ASIC2: variants seen among roughly 807,000 people sequenced by gnomAD.
The protein encoded by ASIC2 is acid-sensing ion channel 2.
Under a neutral mutation model 57.3 loss-of-function variants are expected in ASIC2, and 25 were observed. The observed-to-expected ratio is 0.44, with a 90% confidence interval of 0.32 to 0.61. ASIC2 has a LOEUF of 0.61. Ranked by LOEUF, ASIC2 falls within the 20% of genes least tolerant of loss-of-function variation. The pLI, the probability that ASIC2 is intolerant of heterozygous loss-of-function variation, is 0.06. For missense variants in ASIC2, 641 were observed against 738.1 expected, an observed-to-expected ratio of 0.87 and a Z score of 1.52; for synonymous variants, 319 against 307.5, an observed-to-expected ratio of 1.04 and a Z score of -0.39.
intron 1 of ASIC2, among the ~76,000 whole-genome samples, chr17:33,954,334 G>T (rs926145242): frequency 1.1e-4 from 16 of 152,140 alleles, no homozygotes; most frequent in Non-Finnish European, 2.2e-4. Context: ...CAGCATGTGT[G>T]GGAGCAGTCA....
chr17:33,930,088 T>C (rs1915899732), intron 1 of ASIC2, among the ~76,000 whole-genome samples: 1 of 152,180 alleles, frequency 6.6e-6, no homozygotes, highest in South Asian at 2.1e-4. Flanking sequence ...AGAAAACTTG[T>C]GATAATAGAA....
At chr17:33,697,757 A>T (rs1463938692) in intron 1 of ASIC2, among the ~76,000 whole-genome samples, 1 of 152,174 alleles carries the variant, frequency 6.6e-6, no homozygotes, top group African/African-American at 2.4e-5. Context: ...TTCACACACC[A>T]CATCAAGAAG....
chr17:33,599,031 G>T (rs1379927180), intron 1 of ASIC2, among the ~76,000 whole-genome samples: 1 of 152,216 alleles, frequency 6.6e-6, no homozygotes, highest in African/African-American at 2.4e-5. Flanking sequence ...GCACACATAT[G>T]CCCATCTTCT....
chr17:33,883,740 A>T (rs1914759504), intron 1 of ASIC2, among the ~76,000 whole-genome samples: 1 of 152,228 alleles, frequency 6.6e-6, no homozygotes, highest in Non-Finnish European at 1.5e-5. Flanking sequence ...CTCAACCAGC[A>T]TTTCCTGCAT....
intron 1 of ASIC2, among the ~76,000 whole-genome samples, chr17:33,331,633 C>T (rs559378941): frequency 6.6e-6 from 1 of 152,162 alleles, no homozygotes; most frequent in Non-Finnish European, 1.5e-5. Context: ...TAAAATATAA[C>T]CCTTTGTTAT....
intron 1 of ASIC2, among the ~76,000 whole-genome samples, chr17:34,112,706 G>A (rs929484780): frequency 6.6e-6 from 1 of 152,100 alleles, no homozygotes; most frequent in African/African-American, 2.4e-5. Flanking sequence ...ATAAGGCCTT[G>A]TTACAGGCTG....
At chr17:34,089,802 C>A (rs1351044123) in intron 1 of ASIC2, among the ~76,000 whole-genome samples, 2 of 152,156 alleles carry the variant, frequency 1.3e-5, no homozygotes, top group Admixed American at 1.3e-4. Flanking sequence ...CCTCCACCTG[C>A]CTTTTTCTAA....
At chr17:33,555,153 G>A (rs953824559) in intron 1 of ASIC2, among the ~76,000 whole-genome samples, 5 of 152,102 alleles carry the variant, frequency 3.3e-5, no homozygotes, top group South Asian at 4.2e-4. Context: ...ATGGGCACGC[G>A]GGTAACAGAA....
intron 1 of ASIC2, among the ~76,000 whole-genome samples, chr17:33,950,282 C>T (rs1410757544): frequency 7.9e-5 from 12 of 152,300 alleles, no homozygotes; most frequent in Non-Finnish European, 1.5e-4. Context: ...CAGAGGCTGC[C>T]GGGTAATTGG....
At chr17:33,301,040 G>GA (rs34688942) in intron 1 of ASIC2, among the ~76,000 whole-genome samples, 15 of 150,076 alleles carry the variant, frequency 1.0e-4, no homozygotes, top group South Asian at 2.1e-4. Context: ...ATTTATTTTA[G>GA]AAAAAAAAAA....
At chr17:33,666,044 G>A (rs778876238) in intron 1 of ASIC2, among the ~76,000 whole-genome samples, 5 of 152,114 alleles carry the variant, frequency 3.3e-5, no homozygotes, top group African/African-American at 4.8e-5. Context: ...TCTGGCACCC[G>A]ACGTGAGAAT....
intron 1 of ASIC2, among the ~76,000 whole-genome samples, chr17:33,657,453 A>C (rs1907111306): frequency 6.6e-6 from 1 of 152,190 alleles, no homozygotes; most frequent in African/African-American, 2.4e-5. Context: ...TCAAGCCCTC[A>C]GACAGATCAA....
intron 1 of ASIC2, among the ~76,000 whole-genome samples, chr17:33,540,005 C>G (rs888201099): frequency 1.3e-5 from 2 of 152,238 alleles, no homozygotes; most frequent in African/African-American, 2.4e-5. Flanking sequence ...GTGTTCATTT[C>G]CTTGGGCTGC....
upstream of ASIC2, among the ~76,000 whole-genome samples, chr17:33,296,966 T>C (rs2142189595): frequency 6.6e-6 from 1 of 152,358 alleles, no homozygotes; most frequent in Admixed American, 6.5e-5. Flanking sequence ...TTCTGGAACA[T>C]CTTGCTGTGT....
chr17:33,670,057 A>G (rs1208512829), intron 1 of ASIC2, among the ~76,000 whole-genome samples: 5 of 152,204 alleles, frequency 3.3e-5, no homozygotes, highest in Non-Finnish European at 5.9e-5. Flanking sequence ...TGATGCAGAA[A>G]GGGAGGCTGG....
At chr17:33,725,194 T>C (rs942809305) in intron 1 of ASIC2, among the ~76,000 whole-genome samples, 4 of 152,230 alleles carry the variant, frequency 2.6e-5, no homozygotes, top group African/African-American at 9.6e-5. Flanking sequence ...TGCAGGTGGA[T>C]GACTGTCAGG....
At chr17:33,764,417 C>T (rs1597866640) in intron 1 of ASIC2, among the ~76,000 whole-genome samples, 1 of 151,940 alleles carries the variant, frequency 6.6e-6, no homozygotes, top group East Asian at 1.9e-4. Context: ...CTATATTCTC[C>T]TGCTTATAAC....
At chr17:34,005,048 C>A (rs1043759815) in intron 1 of ASIC2, 2 of 152,134 alleles carry the variant, frequency 1.3e-5, no homozygotes, top group East Asian at 3.9e-4. Flanking sequence ...ATTAGGTGCT[C>A]AGCTCTCTTT....
chr17:34,023,650 A>C (rs1330832112), intron 1 of ASIC2, among the ~76,000 whole-genome samples: 3 of 151,594 alleles, frequency 2.0e-5, no homozygotes, highest in Non-Finnish European at 4.4e-5. Context: ...CCATGTGAGG[A>C]CCTCCGGAGG....
Sources: allele counts gnomAD v4.1 joint callset (sites outside exome capture counted in the v4.1 genomes callset), GRCh38; gene constraint gnomAD v4.1.1; transcripts MANE v1.5; gene names NCBI Gene and HGNC (gene_info 2026-07-23, HGNC 2026-07-21).